The following MACF1 variants were observed in gnomAD, a reference collection of about 807,000 sequenced individuals.
MACF1 encodes microtubule-actin cross-linking factor 1.
A neutral mutation model predicts 854.8 loss-of-function variants in MACF1; 193 were observed. That is an observed-to-expected ratio of 0.23 (90% CI 0.20 to 0.25). The LOEUF (loss-of-function observed/expected upper bound fraction) is 0.25, where lower values mean the gene tolerates loss of function less well. MACF1 is among the 10% of genes least tolerant of loss of function. The pLI is 1.00. For missense variants in MACF1, 7,722 were observed against 8,929.1 expected (o/e 0.86, Z 5.45); for synonymous variants, 3,185 against 3,226.7 (o/e 0.99, Z 0.44).
chr1:39,393,194 A>ATATAT (rs1354096240), intron 58 of MACF1, among the ~76,000 whole-genome samples: 1,370 of 78,518 alleles, frequency 0.017, 9 homozygotes, highest in Non-Finnish European at 0.025. Context: ...AAAAAAAAAA[A>ATATAT]AAATATATAT....
intron 2 of MACF1, among the ~76,000 whole-genome samples, chr1:39,178,577 C>T (rs1270470487): frequency 6.6e-6 from 1 of 152,172 alleles, no homozygotes; most frequent in Non-Finnish European, 1.5e-5. Context: ...ATGCGGGTCA[C>T]TGAGGTTTAT....
intron 2 of MACF1, among the ~76,000 whole-genome samples, chr1:39,180,434 G>A (rs568422774): frequency 6.6e-6 from 1 of 152,158 alleles, no homozygotes; most frequent in Admixed American, 6.5e-5. Flanking sequence ...TGGCCAACAT[G>A]GTGAAACCCC....
chr1:39,485,232 G>A lies in MACF1; in HGVS notation c.22412-306G>A, dbSNP rs552104494. Reference sequence around the variant, plus strand: ...ATCCATCCTGCCCATGGATTAGCCCGGCTGGCAGGCTCACCCACCTGTGCT... The same window carrying A: ...ATCCATCCTGCCCATGGATTAGCCCAGCTGGCAGGCTCACCCACCTGTGCT... On this transcript the variant is annotated intron_variant, in intron 100 of 100. Transcript: ENST00000564288. The A allele has an allele frequency of 4.3e-5, 15 of 350,480 alleles. 1 individual carries two copies. The highest frequency in any genetic ancestry group is 3.9e-4 in the South Asian group (8 of 20,604). 21.7% of individuals were successfully genotyped at this position (350,480 alleles called of 1,614,324 possible). A position where few individuals can be genotyped will look rare whatever the true frequency, so the allele number is the denominator to read the frequency against.
At chr1:39,338,598 A>C (rs979800144) in intron 38 of MACF1, among the ~76,000 whole-genome samples, 1 of 152,220 alleles carries the variant, frequency 6.6e-6, no homozygotes, top group Admixed American at 6.5e-5. Context: ...GCTCTAACGA[A>C]AGGCTGGATG....
intron 58 of MACF1, among the ~76,000 whole-genome samples, chr1:39,418,123 A>G (rs1406849208): frequency 6.6e-6 from 1 of 152,206 alleles, no homozygotes; most frequent in East Asian, 1.9e-4. Context: ...AGGTAAAATC[A>G]ACAAGATCTG....
intron 22 of MACF1, among the ~76,000 whole-genome samples, chr1:39,300,637 TA>T (rs1295893943): frequency 6.6e-6 from 1 of 152,168 alleles, no homozygotes; most frequent in Non-Finnish European, 1.5e-5. Context: ...ACTTGGGAGA[TA>T]TCCTTGACTC....
chr1:39,249,876 C>A, intron 2 of MACF1, 138 bp from the exon 3 acceptor site: 1 of 520,316 alleles, frequency 1.9e-6, no homozygotes, highest in Non-Finnish European at 3.4e-6. Context: ...TCTGAAACTT[C>A]CTGAATTTTA....
chr1:39,459,736 T>TA (rs1644515026), intron 91 of MACF1: 2 of 939,468 alleles, frequency 2.1e-6, no homozygotes, highest in African/African-American at 1.7e-5. Context: ...TTACCCAGTA[T>TA]AAAAAATATA....
intron 50 of MACF1, among the ~76,000 whole-genome samples, chr1:39,369,307 C>T (rs994869338): frequency 6.6e-6 from 1 of 152,148 alleles, no homozygotes; most frequent in South Asian, 2.1e-4. Context: ...ATGAACAAGA[C>T]TTCTTATCTA....
Position 39,084,867 on chromosome 1 carries a change from C to G in MACF1, c.220+429C>G, listed in dbSNP as rs115340800. ...CTTTCTAAATCCTACTCTTTTTTCA[C>G]TTTTTGGCTATATTAGACAATGCTG... On this transcript the variant is annotated intron_variant, in intron 2 of 93. Transcript: ENST00000361689. This position sits in a 1 kb window ranked among gnomAD's most constrained non-coding sequence, Gnocchi z 5.2. 5.4e-3 allele frequency among the ~76,000 whole-genome samples: 819 copies of G among 152,098 alleles called. 7 individuals carry two copies. The highest frequency in any genetic ancestry group is 0.019 in the African/African-American group (802 of 41,518).
At chr1:39,420,142 A>G (rs565384213) in intron 58 of MACF1, among the ~76,000 whole-genome samples, 1 of 152,328 alleles carries the variant, frequency 6.6e-6, no homozygotes, top group East Asian at 1.9e-4. Context: ...AAATGTCAAT[A>G]GCTATATGTA....
At chr1:39,185,109 G>A (rs1323204320) in intron 2 of MACF1, among the ~76,000 whole-genome samples, 1 of 151,546 alleles carries the variant, frequency 6.6e-6, no homozygotes, top group Non-Finnish European at 1.5e-5. Flanking sequence ...GGCTAACACG[G>A]TGAAACCCCA....
chr1:39,468,544 T>C, intron 95 of MACF1, 71 bp from the exon 96 acceptor site: 3 of 1,244,378 alleles, frequency 2.4e-6, no homozygotes, highest in Non-Finnish European at 3.5e-6. Context: ...CTGAATACAG[T>C]CTGCTTTGGG....
At chr1:39,456,095 A>T (rs527786998) in intron 89 of MACF1, among the ~76,000 whole-genome samples, 2 of 152,294 alleles carry the variant, frequency 1.3e-5, no homozygotes, top group East Asian at 3.9e-4. Context: ...GCACTTTGGG[A>T]GGCCAAGGGG....
chr1:39,432,596 C>T lies in MACF1; in HGVS notation c.17399C>T (p.Ala5800Val). The T allele has an allele frequency of 6.2e-7, 1 of 1,614,042 alleles. No homozygotes were observed. The highest frequency in any genetic ancestry group is 8.5e-7 in the Non-Finnish European group (1 of 1,179,956). Reference protein sequence around the residue: ...WVAETKRKLMALGPIRLEQDQ... With the variant: ...WVAETKRKLMVLGPIRLEQDQ... ...GCTGAAACAAAACGGAAACTGATGGCTCTGGGTCCAATTCGCCTGGAACAG... is the reference window on the plus strand; with the variant it reads ...GCTGAAACAAAACGGAAACTGATGGTTCTGGGTCCAATTCGCCTGGAACAG... The change falls in exon 67 of 101, where the codon GCT becomes GTT. Residue 5800 changes from alanine to valine, a missense_variant. Ala to Val is a moderately conservative substitution (Grantham distance 64). Around this residue, in one of 15 missense-constraint regions of MACF1, gnomAD observed 2,807 missense variants for 3,235.8 expected, o/e 0.87. Transcript: ENST00000564288.
At chr1:39,213,589 G>A (rs575029965) in intron 1 of MACF1, among the ~76,000 whole-genome samples, 2 of 152,270 alleles carry the variant, frequency 1.3e-5, no homozygotes, top group East Asian at 3.9e-4. Flanking sequence ...TACCCGCCTT[G>A]GCCTCCTAAA....
At chr1:39,464,936 C>A in intron 94 of MACF1, 159 bp from the exon 95 acceptor site, 3 of 683,362 alleles carry the variant, frequency 4.4e-6, no homozygotes, top group South Asian at 1.7e-5. Flanking sequence ...ATTAAAACCA[C>A]ATCCCTGTGG....
At chr1:39,171,315 T>G (rs1643945931) in intron 2 of MACF1, among the ~76,000 whole-genome samples, 1 of 152,034 alleles carries the variant, frequency 6.6e-6, no homozygotes, top group South Asian at 2.1e-4. Flanking sequence ...TACTTTAAAG[T>G]GTACAGTTCA....
At chr1:39,485,127 T>G (rs1361394763) in intron 100 of MACF1, 1 of 321,450 alleles carries the variant, frequency 3.1e-6, no homozygotes, top group Non-Finnish European at 5.8e-6. Context: ...ATCACATCTG[T>G]TCTCCTGCTA....
Sources: allele counts gnomAD v4.1 joint callset (sites outside exome capture counted in the v4.1 genomes callset), GRCh38; gene constraint gnomAD v4.1.1; regional missense constraint gnomAD v4.1.1; non-coding constraint Gnocchi (gnomAD v3.1); transcripts MANE v1.5; gene names NCBI Gene and HGNC (gene_info 2026-07-23, HGNC 2026-07-21).